The following PSD2 variants were observed in gnomAD, a reference collection of about 807,000 sequenced individuals.
PSD2 encodes the protein PH and SEC7 domain-containing protein 2.
PSD2 carries 38 observed loss-of-function variants against 69.8 expected under a neutral mutation model. That is an observed-to-expected ratio of 0.54 (90% CI 0.42 to 0.71). The LOEUF is 0.71. Among genes scored for constraint, PSD2 ranks in the 30% least tolerant of loss-of-function variants. The pLI is 0.00. For missense variants in PSD2, 943 were observed against 1,014.5 expected, an observed-to-expected ratio of 0.93 and a Z score of 0.96; for synonymous variants, 412 against 423.0, an observed-to-expected ratio of 0.97 and a Z score of 0.32.
the PSD2 span, among the ~76,000 whole-genome samples, chr5:139,774,152 T>C: frequency 6.6e-6 from 1 of 151,914 alleles, no homozygotes; most frequent in African/African-American, 2.4e-5. Context: ...TGCATTGTCC[T>C]AATGATTAGA....
At chr5:139,782,963 C>T in the PSD2 span, among the ~76,000 whole-genome samples, 3 of 152,154 alleles carry the variant, frequency 2.0e-5, no homozygotes, top group African/African-American at 7.2e-5. Context: ...ACTTTTTCAT[C>T]GTCACAAACA....
At position 139,814,146 on chromosome 5, in the gene PSD2, C is replaced by T; in HGVS notation, c.822-24C>T. 6.2e-7 allele frequency: 1 copy of T among 1,608,538 alleles called. No individual in the cohort carries two copies. The highest frequency in any genetic ancestry group is 1.1e-5 in the South Asian group (1 of 90,050). On this transcript the variant is annotated intron_variant, in intron 3 of 14. Coordinates refer to ENST00000274710, the MANE Select transcript of PSD2 (RefSeq NM_032289.4). The surrounding 1 kb of genome is among the most constrained non-coding windows in gnomAD (Gnocchi z 4.4). ...TTGACCCTGGGCCTCTGACGCTACT[C>T]TTCCACCCACCTTCCATCTGCAGTG...
chr5:139,762,808 T>C, the PSD2 span, among the ~76,000 whole-genome samples: 1 of 151,834 alleles, frequency 6.6e-6, no homozygotes, highest in Non-Finnish European at 1.5e-5. Flanking sequence ...ACAGGAGGCC[T>C]GGCTGGGGAG....
At position 139,810,980 on chromosome 5, in the gene PSD2, G is replaced by T. The variant is rs144636620; in HGVS notation, c.371+1169G>T. 7.2e-5 allele frequency among the ~76,000 whole-genome samples: 11 copies of T among 152,258 alleles called. 1 individual carries two copies. The Middle Eastern group carries it at 0.01, about 141-fold the overall frequency. ...GGGGTGGGAGATGGGGGGTCCATTG[G>T]TGGCTCTGACCCTGGGCTGAGAGCT... On this transcript the variant is annotated intron_variant, in intron 2 of 14. Coordinates refer to ENST00000274710, the MANE Select transcript of PSD2 (RefSeq NM_032289.4).
upstream of PSD2, among the ~76,000 whole-genome samples, chr5:139,791,713 A>G (rs1320570568): frequency 6.6e-6 from 1 of 152,188 alleles, no homozygotes; most frequent in African/African-American, 2.4e-5. Context: ...TGGTGAAAGG[A>G]GAACAGGTTG....
chr5:139,747,649 C>A, the PSD2 span, among the ~76,000 whole-genome samples: 1 of 152,204 alleles, frequency 6.6e-6, no homozygotes, highest in African/African-American at 2.4e-5. This position sits in a 1 kb window ranked among gnomAD's most constrained non-coding sequence, Gnocchi z 6.7. Context: ...CCCGGCCGGA[C>A]GTGGGGGCCG....
At chr5:139,763,253 G>C in the PSD2 span, among the ~76,000 whole-genome samples, 62 of 152,240 alleles carry the variant, frequency 4.1e-4, no homozygotes, top group African/African-American at 1.5e-3. Flanking sequence ...GCCTCTCTCT[G>C]AACCTCACAC....
rs1561596807 is a variant in PSD2 at position 139,813,394 on chromosome 5, A to C, written c.457A>C (p.Thr153Pro). ...TCTGGAGTCAGAGCTGCTGCGGGGC[A>C]CCCAGTACAGCAGCCTCGACTCCCT... Reference protein sequence around the residue: ...KILESELLRGTQYSSLDSLDG... With the variant: ...KILESELLRGPQYSSLDSLDG... Residue 153 changes from threonine (T) to proline (P), a missense_variant, in exon 3 of 15, where the codon ACC (threonine) becomes CCC (proline). By Grantham distance (38) the Thr-to-Pro change is conservative. This residue lies in a region of PSD2 where 466 missense variants were observed against 445.0 expected (regional missense o/e 1.05). Coordinates refer to ENST00000274710, the MANE Select transcript of PSD2 (RefSeq NM_032289.4). 1 of 1,612,268 alleles carries C rather than the reference A, an allele frequency of 6.2e-7. No homozygotes were observed. Among genetic ancestry groups the C allele is most frequent in the African/African-American group, 1.3e-5 (1 of 74,906 alleles).
the PSD2 span, among the ~76,000 whole-genome samples, chr5:139,766,911 T>TC: frequency 2.9e-4 from 9 of 31,050 alleles, no homozygotes; most frequent in East Asian, 9.0e-4. Context: ...TTCCCTCCCT[T>TC]CCTTCCTTCC....
the PSD2 span, among the ~76,000 whole-genome samples, chr5:139,759,812 C>G: frequency 3.3e-5 from 5 of 152,254 alleles, no homozygotes; most frequent in Non-Finnish European, 7.3e-5. Context: ...GAGAGGATGG[C>G]CGCCTGGGCA....
Position 139,835,725 on chromosome 5 carries a change from CCTTTA to C in PSD2, c.1364_1368del (p.Leu455GlnfsTer6), listed in dbSNP as rs780821769. ...CCTCTCTCTTTTCCCTCTCCCAGAC[CCTTTA>C]CAACTCCATCAAGAATGAAAAGCTG... On this transcript the variant is annotated frameshift_variant, in exon 9 of 15. Transcript: ENST00000274710. LOFTEE classifies it high-confidence loss of function. The C allele has an allele frequency of 2.5e-6, 4 of 1,613,952 alleles. No homozygotes were observed. The highest frequency in any genetic ancestry group is 3.4e-6 in the Non-Finnish European group (4 of 1,179,946).
the PSD2 span, among the ~76,000 whole-genome samples, chr5:139,783,125 T>G: frequency 6.6e-6 from 1 of 152,156 alleles, no homozygotes; most frequent in African/African-American, 2.4e-5. Context: ...TCTGAGTTAT[T>G]TCACTTAGCC....
chr5:139,831,185 T>C (rs1760591851), intron 7 of PSD2, among the ~76,000 whole-genome samples: 1 of 152,214 alleles, frequency 6.6e-6, no homozygotes. Flanking sequence ...TGTCCGTCTT[T>C]ATGTCTAGTA....
chr5:139,771,113 T>G, the PSD2 span, among the ~76,000 whole-genome samples: 187 of 152,344 alleles, frequency 1.2e-3, no homozygotes, highest in African/African-American at 4.1e-3. Context: ...ACATAGATAC[T>G]TTTATATTTT....
intron 7 of PSD2, among the ~76,000 whole-genome samples, chr5:139,833,487 GA>G (rs1760642256): frequency 1.3e-5 from 2 of 152,202 alleles, no homozygotes; most frequent in South Asian, 4.1e-4. Context: ...GGCTGCAGAA[GA>G]AGCCCAACCT....
chr5:139,750,052 G>A, the PSD2 span, among the ~76,000 whole-genome samples: 1 of 147,984 alleles, frequency 6.8e-6, no homozygotes, highest in African/African-American at 2.5e-5. Flanking sequence ...CAGGCTGGGT[G>A]TGGTGGCTCA....
chr5:139,803,322 T>G (rs1186123246), intron 1 of PSD2, among the ~76,000 whole-genome samples: 1 of 152,174 alleles, frequency 6.6e-6, no homozygotes, highest in Non-Finnish European at 1.5e-5. Flanking sequence ...AGGACGCATA[T>G]CCAATGGGTG....
rs1053764164 is a variant in PSD2 at position 139,813,351 on chromosome 5, C to T, written c.414C>T (p.Ser138=). ...AGCCAGATGTGCGGGATGGCTTCAGCGCCACGTTTGAGAAGATTCTGGAGT... is the reference window on the plus strand; with the variant it reads ...AGCCAGATGTGCGGGATGGCTTCAGTGCCACGTTTGAGAAGATTCTGGAGT... ...PGEPDVRDGF[S]ATFEKILESE... is the part of the protein sequence containing the mutation. Residue 138 remains serine (S), a synonymous_variant, in exon 3 of 15, where the codon AGC becomes AGT. Transcript: ENST00000274710. 14 of 1,580,340 alleles carry T rather than the reference C, an allele frequency of 8.9e-6. No individual in the cohort carries two copies. Among genetic ancestry groups the T allele is most frequent in the African/African-American group, 6.7e-5 (5 of 74,342 alleles).
intron 1 of PSD2, among the ~76,000 whole-genome samples, chr5:139,801,301 C>G (rs1324969373): frequency 1.3e-5 from 2 of 152,126 alleles, no homozygotes; most frequent in African/African-American, 4.8e-5. Flanking sequence ...CCTGCTCTCT[C>G]TTGACTCTAC....
Sources: gnomAD v4.1 joint callset for allele counts (sites outside exome capture counted in the v4.1 genomes callset) on GRCh38, gnomAD v4.1.1 for gene constraint, gnomAD v4.1.1 regional missense constraint, Gnocchi (gnomAD v3.1) non-coding constraint, MANE v1.5 for transcripts, NCBI Gene and HGNC (gene_info 2026-07-23, HGNC 2026-07-21) for gene names.